The following KCNG2 variants were observed in gnomAD, a reference collection of about 807,000 sequenced individuals.
The protein encoded by KCNG2 is potassium voltage-gated channel modifier subfamily G member 2.
KCNG2 carries 7 observed loss-of-function variants against 12.3 expected under a neutral mutation model. That is an observed-to-expected ratio of 0.57 (90% CI 0.32 to 1.07). KCNG2 has a LOEUF of 1.07. Among genes scored for constraint, KCNG2 ranks in the 50% least tolerant of loss-of-function variants. The probability of loss-of-function intolerance (pLI) is 0.04; values close to 1 mark genes in which losing one functional copy is unlikely to be tolerated. For missense variants in KCNG2, 703 were observed against 726.0 expected, an observed-to-expected ratio of 0.97 and a Z score of 0.36; for synonymous variants, 414 against 351.4, an observed-to-expected ratio of 1.18 and a Z score of -1.99.
chr18:79,849,962 AC>A (rs1434612691), intron 1 of KCNG2, among the ~76,000 whole-genome samples: 3 of 151,806 alleles, frequency 2.0e-5, no homozygotes, highest in African/African-American at 7.3e-5. Flanking sequence ...GGGAACGGAG[AC>A]CCCACCTGGC....
At chr18:79,838,344 A>G (rs888501138) in intron 1 of KCNG2, among the ~76,000 whole-genome samples, 2 of 152,198 alleles carry the variant, frequency 1.3e-5, no homozygotes, top group African/African-American at 2.4e-5. Flanking sequence ...CTGGAAATCA[A>G]TAATAGAATA....
intron 3 of KCNG2, among the ~76,000 whole-genome samples, chr18:79,897,422 A>G (rs1462351960): frequency 6.6e-6 from 1 of 151,978 alleles, no homozygotes; most frequent in East Asian, 1.9e-4. Flanking sequence ...CCGTTTGGGT[A>G]TTTTTTTAAA....
intron 1 of KCNG2, among the ~76,000 whole-genome samples, chr18:79,810,365 G>A (rs1253010949): frequency 2.0e-5 from 3 of 152,326 alleles, no homozygotes; most frequent in East Asian, 3.9e-4. Flanking sequence ...GTTTGCTGGG[G>A]GCTGCCCAGC....
chr18:79,866,872 TGTGTGCTGAGAGGTCC>T (rs1487766377), intron 3 of KCNG2, among the ~76,000 whole-genome samples: 4 of 142,668 alleles, frequency 2.8e-5, no homozygotes, highest in African/African-American at 1.1e-4. Flanking sequence ...TGCTGAGGTC[TGTGTGCTGAGAGGTCC>T]GTGTGCTGAG....
intron 1 of KCNG2, among the ~76,000 whole-genome samples, chr18:79,855,028 TTTG>T (rs1272386832): frequency 6.6e-6 from 1 of 152,206 alleles, no homozygotes; most frequent in African/African-American, 2.4e-5. Flanking sequence ...TGGGGGTTTT[TTTG>T]TTTTTTGTTT....
intron 1 of KCNG2, among the ~76,000 whole-genome samples, chr18:79,799,146 T>C (rs1216911480): frequency 1.3e-5 from 2 of 152,128 alleles, no homozygotes; most frequent in Non-Finnish European, 2.9e-5. Flanking sequence ...TTGTAAATAA[T>C]GGATTTTGAC....
At chr18:79,873,681 G>A (rs34518995) in intron 3 of KCNG2, among the ~76,000 whole-genome samples, 34,364 of 152,118 alleles carry the variant, frequency 0.23, 5,303 homozygotes, top group Non-Finnish European at 0.32. Context: ...GTCTGTTCGC[G>A]GCATCTGAAC....
At chr18:79,818,373 A>G (rs562229188) in intron 1 of KCNG2, among the ~76,000 whole-genome samples, 2 of 152,332 alleles carry the variant, frequency 1.3e-5, no homozygotes, top group Non-Finnish European at 2.9e-5. Flanking sequence ...CCAGCCCGCG[A>G]GAGATGCGCC....
rs1980456016 is a variant in KCNG2 at position 79,884,742 on chromosome 18, C to CT, written c.625-14298_625-14297insT. 2.6e-5 allele frequency among the ~76,000 whole-genome samples: 4 copies of CT among 152,076 alleles called. No individual in the cohort carries two copies. The highest frequency in any genetic ancestry group is 2.6e-4 in the Admixed American group (4 of 15,286). On this transcript the variant is annotated intron_variant, in intron 3 of 3. Transcript: ENST00000316249. The surrounding 1 kb of genome is among the most constrained non-coding windows in gnomAD (Gnocchi z 5.5). ...ATGGGGAGCCACGGGGGCAGGGGTC[C>CT]GCCCGGCTCTGTGTTCCTCGGGGGG...
intron 3 of KCNG2, among the ~76,000 whole-genome samples, chr18:79,875,664 G>A (rs944645840): frequency 1.3e-5 from 2 of 152,216 alleles, no homozygotes; most frequent in South Asian, 2.1e-4. Context: ...ACGGGGTTGG[G>A]GACAGCGGTC....
intron 1 of KCNG2, among the ~76,000 whole-genome samples, chr18:79,834,146 C>G (rs996867722): frequency 2.0e-5 from 3 of 152,184 alleles, no homozygotes; most frequent in African/African-American, 7.2e-5. Context: ...AGCTGGTGAC[C>G]TGCAGCAAGA....
At chr18:79,870,781 G>A (rs1199970023) in intron 3 of KCNG2, among the ~76,000 whole-genome samples, 1 of 152,192 alleles carries the variant, frequency 6.6e-6, no homozygotes, top group Non-Finnish European at 1.5e-5. Context: ...GAACATTTTT[G>A]CAACAGCTTT....
chr18:79,873,917 A>G (rs1979965204), intron 3 of KCNG2, among the ~76,000 whole-genome samples: 1 of 152,234 alleles, frequency 6.6e-6, no homozygotes, highest in South Asian at 2.1e-4. Flanking sequence ...TGTCAGTGAC[A>G]TGCTCATGCT....
chr18:79,851,862 G>A (rs1202324139), intron 1 of KCNG2, among the ~76,000 whole-genome samples: 2 of 152,220 alleles, frequency 1.3e-5, no homozygotes, highest in East Asian at 1.9e-4. Context: ...ACGTGTGCGT[G>A]TGAGGACTTA....
chr18:79,855,506 T>G (rs1206118621), intron 1 of KCNG2, among the ~76,000 whole-genome samples: 1 of 152,102 alleles, frequency 6.6e-6, no homozygotes, highest in Non-Finnish European at 1.5e-5. Context: ...ATCACTGGCC[T>G]GCGACCACCT....
At chr18:79,828,613 CGTGTCTATGATGTGTTCAT>C (rs1978288110) in intron 1 of KCNG2, among the ~76,000 whole-genome samples, 1 of 150,102 alleles carries the variant, frequency 6.7e-6, no homozygotes, top group African/African-American at 2.5e-5. Context: ...ATGTGTGTAA[CGTGTCTATGATGTGTTCAT>C]GTGTCTGTGT....
intron 1 of KCNG2, among the ~76,000 whole-genome samples, chr18:79,844,513 A>G (rs1035386016): frequency 3.3e-5 from 5 of 152,232 alleles, no homozygotes; most frequent in African/African-American, 1.2e-4. Context: ...TATAGTGCAT[A>G]CTTGAATTTT....
chr18:79,817,893 G>A (rs1030063533), intron 1 of KCNG2, among the ~76,000 whole-genome samples: 2 of 152,228 alleles, frequency 1.3e-5, no homozygotes, highest in African/African-American at 4.8e-5. Context: ...AGGTCTCGGG[G>A]TGGGGGTGCC....
intron 3 of KCNG2, among the ~76,000 whole-genome samples, chr18:79,868,351 G>A (rs1178600237): frequency 6.7e-6 from 1 of 150,176 alleles, no homozygotes; most frequent in Non-Finnish European, 1.5e-5. Context: ...CCGAGCGTCC[G>A]GTTAAGAAGC....
Sources: gnomAD v4.1 joint callset for allele counts (sites outside exome capture counted in the v4.1 genomes callset) on GRCh38, gnomAD v4.1.1 for gene constraint, Gnocchi (gnomAD v3.1) non-coding constraint, MANE v1.5 for transcripts, NCBI Gene and HGNC (gene_info 2026-07-23, HGNC 2026-07-21) for gene names.